SPTLC2: variants seen among roughly 807,000 people sequenced by gnomAD.
SPTLC2 encodes serine palmitoyltransferase long chain base subunit 2.
In SPTLC2, 21 loss-of-function variants were observed where a neutral mutation model predicts 62.0. That is an observed-to-expected ratio of 0.34 (90% CI 0.24 to 0.49). The LOEUF is 0.49. Among genes scored for constraint, SPTLC2 ranks in the 20% least tolerant of loss-of-function variants. The pLI, the probability that SPTLC2 is intolerant of heterozygous loss-of-function variation, is 0.99. For missense variants in SPTLC2, 511 were observed against 713.0 expected (o/e 0.72, Z 3.23); for synonymous variants, 261 against 261.8 (o/e 1.00, Z 0.03).
intron 9 of SPTLC2, among the ~76,000 whole-genome samples, chr14:77,540,309 CA>C (rs879381522): frequency 2.1e-4 from 31 of 149,580 alleles, no homozygotes; most frequent in Non-Finnish European, 3.7e-4. Context: ...CTGAAACATA[CA>C]AAAAAAATGT....
At chr14:77,523,068 G>A (rs1381206675) in intron 9 of SPTLC2, among the ~76,000 whole-genome samples, 1 of 152,134 alleles carries the variant, frequency 6.6e-6, no homozygotes, top group Non-Finnish European at 1.5e-5. Flanking sequence ...TTATGTCATC[G>A]CTTAAGTTAC....
At chr14:77,542,314 A>C (rs1045788010) in intron 9 of SPTLC2, among the ~76,000 whole-genome samples, 1 of 152,202 alleles carries the variant, frequency 6.6e-6, no homozygotes, top group Non-Finnish European at 1.5e-5. Context: ...AATATTAGCT[A>C]ACAGGACAGA....
At chr14:77,541,085 G>C (rs2079498350) in intron 9 of SPTLC2, among the ~76,000 whole-genome samples, 1 of 152,094 alleles carries the variant, frequency 6.6e-6, no homozygotes, top group Admixed American at 6.6e-5. Context: ...CCAGGCTGGA[G>C]TGGTGTGATC....
Position 77,576,836 on chromosome 14 carries a change from A to G in SPTLC2, c.562T>C (p.Cys188Arg), listed in dbSNP as rs1236663997. The change falls in exon 4 of 12, where the codon TGT (cysteine) becomes CGT (arginine). Residue 188 changes from cysteine to arginine, a missense_variant. Physicochemically the swap from Cys to Arg is radical, Grantham distance 180. Coordinates refer to ENST00000216484, the MANE Select transcript of SPTLC2 (RefSeq NM_004863.4). ...AGGACTTTGGCGGCTGCTTCTTGACATGATCCAGTATTCCGTGCAAATCCA... is the reference window on the plus strand; with the variant it reads ...AGGACTTTGGCGGCTGCTTCTTGACGTGATCCAGTATTCCGTGCAAATCCA... ...YLGFARNTGS[C>R]QEAAAKVLEE... 7 of 1,614,108 alleles carry G rather than the reference A, an allele frequency of 4.3e-6. No individual in the cohort carries two copies. The highest frequency in any genetic ancestry group is 5.9e-6 in the Non-Finnish European group (7 of 1,180,042).
Position 77,578,996 on chromosome 14 carries a change from G to A in SPTLC2, c.441C>T (p.Asp147=). The change falls in exon 3 of 12, where the codon GAC becomes GAT. Residue 147 remains aspartate, a synonymous_variant. Coordinates refer to ENST00000216484, the MANE Select transcript of SPTLC2 (RefSeq NM_004863.4). ...AATCATGAGACTGTCTCTCCATGATGTCCACCCTGGCTCCAGGCACACTAC... is the reference window on the plus strand; with the variant it reads ...AATCATGAGACTGTCTCTCCATGATATCCACCCTGGCTCCAGGCACACTAC... ...PICSVPGARV[D]IMERQSHDYN... 1 of 1,614,032 alleles carries A rather than the reference G, an allele frequency of 6.2e-7. No individual in the cohort carries two copies. The highest frequency in any genetic ancestry group is 2.2e-5 in the East Asian group (1 of 44,856).
intron 5 of SPTLC2, among the ~76,000 whole-genome samples, chr14:77,569,108 T>C (rs2079663133): frequency 9.8e-6 from 1 of 102,008 alleles, no homozygotes; most frequent in Non-Finnish European, 2.3e-5. Context: ...TCCTTAATCA[T>C]TACACAATGT....
At position 77,510,834 on chromosome 14, in the gene SPTLC2, T is replaced by TTGA. The variant is rs1204638601; in HGVS notation, c.*1447_*1449dup. On this transcript the variant is annotated 3_prime_UTR_variant, in exon 12 of 12. Transcript: ENST00000216484. ...GTTCCCAATCCTTCTCCTGTAATACTTGATGGATACAAAAAGACAAACTGA... is the reference window on the plus strand; with the variant it reads ...GTTCCCAATCCTTCTCCTGTAATACTTGATGATGGATACAAAAAGACAAACTGA... 2 of 152,580 alleles carry TTGA rather than the reference T, an allele frequency of 1.3e-5. No homozygotes were observed. The highest frequency in any genetic ancestry group is 2.9e-5 in the Non-Finnish European group (2 of 68,024). 9.5% of individuals were successfully genotyped at this position (152,580 alleles called of 1,614,324 possible).
intron 9 of SPTLC2, among the ~76,000 whole-genome samples, chr14:77,547,174 ATTTT>A (rs58170769): frequency 2.0e-5 from 3 of 147,434 alleles, no homozygotes; most frequent in Admixed American, 6.7e-5. Flanking sequence ...GGAAACAAGT[ATTTT>A]TTTTTTTTTT....
At chr14:77,552,777 G>T (rs1190046953) in intron 8 of SPTLC2, among the ~76,000 whole-genome samples, 1 of 145,936 alleles carries the variant, frequency 6.9e-6, no homozygotes, top group Admixed American at 7.0e-5. Context: ...TTGCACTCCA[G>T]CCTGGGGGAC....
chr14:77,591,368 C>G (rs567769552), intron 2 of SPTLC2, among the ~76,000 whole-genome samples: 1 of 152,130 alleles, frequency 6.6e-6, no homozygotes, highest in Non-Finnish European at 1.5e-5. Context: ...TTCATGGTTT[C>G]TTTTTCAGAA....
chr14:77,536,377 T>C (rs1403944225), intron 9 of SPTLC2, among the ~76,000 whole-genome samples: 2 of 152,102 alleles, frequency 1.3e-5, no homozygotes, highest in Non-Finnish European at 2.9e-5. Context: ...GTTTTTTTTT[T>C]CTCTTTATTT....
At chr14:77,555,936 A>C (rs890252325) in intron 7 of SPTLC2, among the ~76,000 whole-genome samples, 5 of 152,052 alleles carry the variant, frequency 3.3e-5, no homozygotes, top group Non-Finnish European at 5.9e-5. Flanking sequence ...TTGGGTTTTA[A>C]ATGGTCTGAC....
At chr14:77,575,857 G>T (rs1051754394) in intron 4 of SPTLC2, among the ~76,000 whole-genome samples, 2 of 152,136 alleles carry the variant, frequency 1.3e-5, no homozygotes, top group Non-Finnish European at 2.9e-5. Flanking sequence ...TTGCATGCTT[G>T]CTCTAGAGGC....
intron 2 of SPTLC2, among the ~76,000 whole-genome samples, chr14:77,595,878 A>T (rs2079844177): frequency 6.6e-6 from 1 of 152,320 alleles, no homozygotes; most frequent in Non-Finnish European, 1.5e-5. Context: ...GGGCTAAAAG[A>T]CAACCTTTTG....
chr14:77,614,429 C>T (rs2079954114), intron 1 of SPTLC2, among the ~76,000 whole-genome samples: 1 of 152,178 alleles, frequency 6.6e-6, no homozygotes, highest in Admixed American at 6.5e-5. Flanking sequence ...CTCTGGGAGG[C>T]CGAGGCAGGC....
At chr14:77,614,744 G>C (rs2079956672) in intron 1 of SPTLC2, among the ~76,000 whole-genome samples, 1 of 151,428 alleles carries the variant, frequency 6.6e-6, no homozygotes, top group African/African-American at 2.4e-5. Context: ...GCCAAGGCAG[G>C]CCAATCACCT....
chr14:77,554,233 T>C (rs2079570987), intron 8 of SPTLC2, among the ~76,000 whole-genome samples: 1 of 152,218 alleles, frequency 6.6e-6, no homozygotes, highest in Non-Finnish European at 1.5e-5. Flanking sequence ...TCCCTAACAT[T>C]GCAATCAACG....
rs2079355623 is a variant in SPTLC2, at chr14:77,515,743, G to A, written c.1569+2295C>T. Reference sequence around the variant, plus strand: ...TTTTTGTATTTTCAGTAGAGATGAGGTTTCACTGTGTTGGCAAGGCTGATC... The same window carrying A: ...TTTTTGTATTTTCAGTAGAGATGAGATTTCACTGTGTTGGCAAGGCTGATC... On this transcript the variant is annotated intron_variant, in intron 11 of 11. Coordinates refer to ENST00000216484, the MANE Select transcript of SPTLC2 (RefSeq NM_004863.4). 2.0e-5 allele frequency among the ~76,000 whole-genome samples: 3 copies of A among 152,082 alleles called. No individual in the cohort carries two copies. The South Asian group carries it at 6.2e-4, about 32-fold the overall frequency.
intron 2 of SPTLC2, among the ~76,000 whole-genome samples, chr14:77,588,363 G>A (rs2079794570): frequency 6.6e-6 from 1 of 151,654 alleles, no homozygotes; most frequent in East Asian, 1.9e-4. Context: ...ATTCCCACCT[G>A]AGGAAGTGTT....
Sources: allele counts gnomAD v4.1 joint callset (sites outside exome capture counted in the v4.1 genomes callset), GRCh38; gene constraint gnomAD v4.1.1; transcripts MANE v1.5; gene names NCBI Gene and HGNC (gene_info 2026-07-23, HGNC 2026-07-21).